The following MDGA2 variants were observed in gnomAD, a reference collection of about 807,000 sequenced individuals.
MDGA2 encodes the protein MAM domain containing glycosylphosphatidylinositol anchor 2.
A neutral mutation model predicts 117.8 loss-of-function variants in MDGA2; 40 were observed. The ratio of observed to expected loss-of-function variants is 0.34; its 90% CI spans 0.26 to 0.44. The LOEUF is 0.44. Among genes scored for constraint, MDGA2 ranks in the 20% least tolerant of loss-of-function variants. The probability of loss-of-function intolerance (pLI) is 1.00; values close to 1 mark genes in which losing one functional copy is unlikely to be tolerated. For synonymous variants in MDGA2, 452 were observed against 439.0 expected, an observed-to-expected ratio of 1.03 and a Z score of -0.37; for missense variants, 1,123 against 1,250.6, an observed-to-expected ratio of 0.90 and a Z score of 1.54.
At chr14:47,453,894 G>C (rs1382132623) in intron 1 of MDGA2, among the ~76,000 whole-genome samples, 1 of 152,168 alleles carries the variant, frequency 6.6e-6, no homozygotes, top group Non-Finnish European at 1.5e-5. Flanking sequence ...TGAGTTCCAT[G>C]AACTAGAGTT....
At chr14:47,170,999 G>A (rs1455944745) in intron 3 of MDGA2, among the ~76,000 whole-genome samples, 3 of 152,044 alleles carry the variant, frequency 2.0e-5, no homozygotes, top group Non-Finnish European at 4.4e-5. Flanking sequence ...TGGGATGTCT[G>A]ACACATTAGA....
At chr14:47,595,515 C>T (rs975207567) in intron 1 of MDGA2, among the ~76,000 whole-genome samples, 5 of 135,168 alleles carry the variant, frequency 3.7e-5, no homozygotes, top group Non-Finnish European at 7.7e-5. Flanking sequence ...GCCTAGGTGA[C>T]GAGTGAAACT....
At chr14:47,293,546 G>C (rs10483581) in intron 2 of MDGA2, among the ~76,000 whole-genome samples, 13,873 of 152,144 alleles carry the variant, frequency 0.091, 782 homozygotes, top group Non-Finnish European at 0.11. Context: ...ATAGTGATAA[G>C]AGTAATAGCT....
intron 1 of MDGA2, among the ~76,000 whole-genome samples, chr14:47,458,273 G>A (rs1397922058): frequency 6.6e-6 from 1 of 152,070 alleles, no homozygotes; most frequent in Admixed American, 6.6e-5. Context: ...CTGAGCAGAA[G>A]CTTTTTAGTT....
chr14:46,912,593 T>G (rs2138486284), intron 10 of MDGA2, among the ~76,000 whole-genome samples: 1 of 152,328 alleles, frequency 6.6e-6, no homozygotes, highest in South Asian at 2.1e-4. Context: ...TGTCAATAAC[T>G]TAACCCTCTT....
chr14:47,423,325 A>G (rs187702126), intron 1 of MDGA2, among the ~76,000 whole-genome samples: 19 of 152,300 alleles, frequency 1.2e-4, no homozygotes, highest in South Asian at 2.1e-4. Context: ...TTCCATACTA[A>G]GTAACTATAC....
intron 6 of MDGA2, among the ~76,000 whole-genome samples, chr14:47,080,327 C>G (rs1485197613): frequency 6.6e-6 from 1 of 152,112 alleles, no homozygotes. Context: ...AACGCAAGAT[C>G]AAGCTAATTT....
intron 1 of MDGA2, among the ~76,000 whole-genome samples, chr14:47,426,378 A>G (rs1383530207): frequency 6.6e-6 from 1 of 151,942 alleles, no homozygotes; most frequent in African/African-American, 2.4e-5. Context: ...GGACCCCTAT[A>G]TGTTTTCAGT....
At chr14:47,014,004 A>G (rs1887994653) in intron 8 of MDGA2, among the ~76,000 whole-genome samples, 1 of 151,702 alleles carries the variant, frequency 6.6e-6, no homozygotes, top group African/African-American at 2.4e-5. Flanking sequence ...CATGTTGGCC[A>G]GGCTGGTCTT....
At chr14:47,141,034 A>T (rs938487025) in intron 4 of MDGA2, among the ~76,000 whole-genome samples, 1 of 152,174 alleles carries the variant, frequency 6.6e-6, no homozygotes, top group Non-Finnish European at 1.5e-5. Context: ...ACCAACAGTT[A>T]TGTGAAAAAA....
chr14:46,864,545 GTTTTT>G (rs71112467), intron 14 of MDGA2, among the ~76,000 whole-genome samples: 4 of 51,472 alleles, frequency 7.8e-5, no homozygotes, highest in Non-Finnish European at 1.2e-4. Flanking sequence ...AGATATTGCT[GTTTTT>G]TTTTTTTTTT....
chr14:47,354,686 C>G (rs932882817), intron 1 of MDGA2, among the ~76,000 whole-genome samples: 38 of 152,274 alleles, frequency 2.5e-4, no homozygotes, highest in African/African-American at 8.9e-4. Context: ...AATAATAAAA[C>G]CCCTTGTTAA....
intron 8 of MDGA2, among the ~76,000 whole-genome samples, chr14:46,972,413 T>C (rs555630134): frequency 6.6e-6 from 1 of 152,312 alleles, no homozygotes; most frequent in East Asian, 1.9e-4. Context: ...TGTCTGAATG[T>C]ATATAGAAGA....
intron 1 of MDGA2, among the ~76,000 whole-genome samples, chr14:47,540,813 G>C (rs369044909): frequency 6.6e-6 from 1 of 151,454 alleles, no homozygotes; most frequent in Admixed American, 6.6e-5. Flanking sequence ...AATCCTCCCA[G>C]CTTGACCTCC....
chr14:47,621,554 C>T (rs901871336), intron 1 of MDGA2, among the ~76,000 whole-genome samples: 4 of 152,104 alleles, frequency 2.6e-5, no homozygotes, highest in African/African-American at 9.7e-5. Flanking sequence ...GCCCCCAGAG[C>T]AAACAGCATC....
At chr14:47,502,258 G>T (rs1894414516) in intron 1 of MDGA2, among the ~76,000 whole-genome samples, 1 of 152,064 alleles carries the variant, frequency 6.6e-6, no homozygotes. Context: ...GATCCCTTAA[G>T]CCAGGAGTTT....
chr14:46,915,160 T>G (rs908950850), intron 10 of MDGA2, among the ~76,000 whole-genome samples: 3 of 152,138 alleles, frequency 2.0e-5, no homozygotes, highest in Non-Finnish European at 4.4e-5. Flanking sequence ...AAATCTTCAT[T>G]AAAATAATAA....
chr14:47,353,156 T>C (rs1890921026), intron 1 of MDGA2, among the ~76,000 whole-genome samples: 1 of 152,310 alleles, frequency 6.6e-6, no homozygotes, highest in Middle Eastern at 3.4e-3. Flanking sequence ...TGGGTGCACA[T>C]GCACAGTAGC....
At chr14:46,968,423 A>G (rs76310290) in intron 8 of MDGA2, among the ~76,000 whole-genome samples, 17,991 of 152,200 alleles carry the variant, frequency 0.12, 2,030 homozygotes, top group African/African-American at 0.27. Flanking sequence ...AGGCAGAGCA[A>G]TTAGGCAAGA....
Sources: allele counts gnomAD v4.1 joint callset (sites outside exome capture counted in the v4.1 genomes callset), GRCh38; gene constraint gnomAD v4.1.1; transcripts MANE v1.5; gene names NCBI Gene and HGNC (gene_info 2026-07-23, HGNC 2026-07-21).